Variants in ZBTB7C observed in about 807,000 individuals in gnomAD.
ZBTB7C encodes zinc finger and BTB domain containing 7C.
In ZBTB7C, 8 loss-of-function variants were observed where a neutral mutation model predicts 25.7. That is an observed-to-expected ratio of 0.31 (90% CI 0.18 to 0.56). The LOEUF is 0.56. ZBTB7C is among the 20% of genes least tolerant of loss of function. The pLI is 0.91. For missense variants in ZBTB7C, 824 were observed against 855.2 expected, an observed-to-expected ratio of 0.96 and a Z score of 0.46; for synonymous variants, 394 against 369.0, an observed-to-expected ratio of 1.07 and a Z score of -0.78.
At chr18:48,385,838 G>C (rs962189489) in intron 1 of ZBTB7C, among the ~76,000 whole-genome samples, 6 of 152,302 alleles carry the variant, frequency 3.9e-5, no homozygotes, top group Non-Finnish European at 8.8e-5. Flanking sequence ...GGCAGCCAGG[G>C]TGGCAGACAC....
chr18:48,108,674 G>A (rs543801397), intron 3 of ZBTB7C, among the ~76,000 whole-genome samples: 10 of 152,126 alleles, frequency 6.6e-5, no homozygotes, highest in South Asian at 4.2e-4. Context: ...GGCTTCAAGC[G>A]ATCCTCCCAC....
chr18:48,099,802 A>C (rs1598877094), intron 3 of ZBTB7C, among the ~76,000 whole-genome samples: 2 of 152,366 alleles, frequency 1.3e-5, no homozygotes, highest in South Asian at 2.1e-4. Flanking sequence ...CCACCAGGAC[A>C]GGTACAGAGG....
At chr18:48,210,755 T>C (rs1376730704) in intron 2 of ZBTB7C, among the ~76,000 whole-genome samples, 1 of 152,154 alleles carries the variant, frequency 6.6e-6, no homozygotes, top group Non-Finnish European at 1.5e-5. Flanking sequence ...CAAAACTCCA[T>C]GAATGTCCTA....
intron 2 of ZBTB7C, among the ~76,000 whole-genome samples, chr18:48,279,163 A>AGAACACAGACCCTGTGTTT (rs2044756830): frequency 6.6e-6 from 1 of 150,736 alleles, no homozygotes; most frequent in African/African-American, 2.4e-5. Flanking sequence ...CGGCACCCCC[A>AGAACACAGACCCTGTGTTT]CTCCTCAGAA....
intron 2 of ZBTB7C, among the ~76,000 whole-genome samples, chr18:48,282,384 C>G (rs1378450055): frequency 6.6e-6 from 1 of 150,988 alleles, no homozygotes; most frequent in Non-Finnish European, 1.5e-5. Context: ...ATGGGTGCAG[C>G]AAACCAACAT....
intron 3 of ZBTB7C, among the ~76,000 whole-genome samples, chr18:48,121,380 T>A (rs2039623059): frequency 6.7e-6 from 1 of 148,762 alleles, no homozygotes; most frequent in East Asian, 2.0e-4. Context: ...TACAAATCTT[T>A]TCAAGTTGGC....
intron 1 of ZBTB7C, among the ~76,000 whole-genome samples, chr18:48,344,963 A>C (rs2046693717): frequency 6.6e-6 from 1 of 152,204 alleles, no homozygotes; most frequent in Non-Finnish European, 1.5e-5. Context: ...CCTCAAAATC[A>C]CCAGTTATTC....
chr18:48,320,151 GAGA>G (rs1383829625), intron 2 of ZBTB7C, among the ~76,000 whole-genome samples: 1 of 152,072 alleles, frequency 6.6e-6, no homozygotes, highest in East Asian at 1.9e-4. Context: ...GGAGAAGAAG[GAGA>G]AGGAGGGATC....
intron 1 of ZBTB7C, among the ~76,000 whole-genome samples, chr18:48,359,248 C>T (rs1319378317): frequency 6.6e-6 from 1 of 152,110 alleles, no homozygotes; most frequent in African/African-American, 2.4e-5. Flanking sequence ...GGCCTTCCTC[C>T]ATCCCCCATG....
intron 1 of ZBTB7C, among the ~76,000 whole-genome samples, chr18:48,382,104 G>A (rs1247549709): frequency 6.6e-6 from 1 of 152,226 alleles, no homozygotes; most frequent in East Asian, 1.9e-4. Flanking sequence ...GTAGGTAGGT[G>A]CAATGAAAGA....
chr18:48,029,360 GGCCGCGCC>G lies in ZBTB7C; in HGVS notation c.1752_1759del (p.Ala585LeufsTer65). 1.3e-6 allele frequency: 2 copies of G among 1,545,862 alleles called. No individual in the cohort carries two copies. Among genetic ancestry groups the G allele is most frequent in the Non-Finnish European group, 1.7e-6 (2 of 1,150,176 alleles). ...CCAAGGGTCGGGCAGCGGGAAGTAG[GGCCGCGCC>G]GCCGCCACGTTCTCGGCCAGCGCGA... On this transcript the variant is annotated frameshift_variant, in exon 5 of 5. Transcript: ENST00000590800. LOFTEE classifies it high-confidence loss of function.
chr18:48,225,179 A>G (rs2043057645), intron 2 of ZBTB7C, among the ~76,000 whole-genome samples: 1 of 152,024 alleles, frequency 6.6e-6, no homozygotes, highest in South Asian at 2.1e-4. Context: ...ACTGTACCCC[A>G]CTACACTTAT....
chr18:48,217,740 G>A (rs1351535707), intron 2 of ZBTB7C, among the ~76,000 whole-genome samples: 1 of 152,246 alleles, frequency 6.6e-6, no homozygotes, highest in East Asian at 1.9e-4. Flanking sequence ...TCACTAGGCC[G>A]TGTCTCATAT....
At chr18:48,266,262 C>T (rs917872382) in intron 2 of ZBTB7C, among the ~76,000 whole-genome samples, 1 of 152,188 alleles carries the variant, frequency 6.6e-6, no homozygotes, top group African/African-American at 2.4e-5. Context: ...ATGCTCTTCC[C>T]ACTGACTCCA....
At chr18:48,374,259 T>G (rs1335955391) in intron 1 of ZBTB7C, 2 of 152,234 alleles carry the variant, frequency 1.3e-5, no homozygotes, top group Non-Finnish European at 2.9e-5. Context: ...AGAGGATGTT[T>G]ACGAACACAC....
chr18:48,350,486 T>G (rs1368365861), intron 1 of ZBTB7C: 1 of 152,214 alleles, frequency 6.6e-6, no homozygotes, highest in South Asian at 2.1e-4. Context: ...CCCATCTCAG[T>G]ATCTATAACC....
chr18:48,373,130 C>T (rs946372657), intron 1 of ZBTB7C, among the ~76,000 whole-genome samples: 1 of 152,168 alleles, frequency 6.6e-6, no homozygotes, highest in African/African-American at 2.4e-5. Context: ...ATATTTGTCC[C>T]CATCCAAATC....
chr18:48,032,435 T>TTTTG (rs1568159223), intron 4 of ZBTB7C, among the ~76,000 whole-genome samples: 3 of 123,542 alleles, frequency 2.4e-5, no homozygotes, highest in African/African-American at 1.0e-4. Context: ...TTTTTTTTTT[T>TTTTG]TTTTTTTTTT....
At chr18:48,167,566 GTGT>G (rs2041298155) in intron 3 of ZBTB7C, among the ~76,000 whole-genome samples, 1 of 115,736 alleles carries the variant, frequency 8.6e-6, no homozygotes, top group Non-Finnish European at 2.0e-5. Context: ...TTGCTAGGGT[GTGT>G]GTGTGTGTGT....
Sources: gnomAD v4.1 joint callset for allele counts (sites outside exome capture counted in the v4.1 genomes callset) on GRCh38, gnomAD v4.1.1 for gene constraint, MANE v1.5 for transcripts, NCBI Gene and HGNC (gene_info 2026-07-23, HGNC 2026-07-21) for gene names.